The following N4BP3 variants were observed in gnomAD, a reference collection of about 807,000 sequenced individuals.
The protein encoded by N4BP3 is NEDD4-binding protein 3.
Under a neutral mutation model 43.8 loss-of-function variants are expected in N4BP3, and 33 were observed. That is an observed-to-expected ratio of 0.75 (90% CI 0.57 to 1.01). The LOEUF (loss-of-function observed/expected upper bound fraction) is 1.01, where lower values mean the gene tolerates loss of function less well. N4BP3 is among the 50% of genes least tolerant of loss of function. The probability of loss-of-function intolerance (pLI) is 0.00; values close to 1 mark genes in which losing one functional copy is unlikely to be tolerated. For synonymous variants in N4BP3, 326 were observed against 321.9 expected (o/e 1.01, Z -0.14); for missense variants, 756 against 744.2 (o/e 1.02, Z -0.18).
At chr5:178,119,516 G>A (rs1046865896) in intron 1 of N4BP3, 38 bp from the exon 2 acceptor site, 1 of 1,440,324 alleles carries the variant, frequency 6.9e-7, no homozygotes, top group Admixed American at 2.3e-5. Context: ...TGGGCAGCCA[G>A]TGCTCACCTG....
Position 178,120,159 on chromosome 5 carries a change from T to C in N4BP3, c.331-19T>C, listed in dbSNP as rs202167797. Reference sequence around the variant, plus strand: ...GCCCAGGTCTCACACCTGCCCTCTCTGCCCTCTCTTCCTGGCAGTGCCGCA... The same window carrying C: ...GCCCAGGTCTCACACCTGCCCTCTCCGCCCTCTCTTCCTGGCAGTGCCGCA... On this transcript the variant is annotated intron_variant, in intron 2 of 4. Coordinates refer to ENST00000274605, the MANE Select transcript of N4BP3 (RefSeq NM_015111.2). 8.4e-6 allele frequency: 13 copies of C among 1,545,408 alleles called. No individual in the cohort carries two copies. The East Asian group carries it at 2.3e-4, about 27-fold the overall frequency.
In N4BP3 at chr5:178,121,606, G is replaced by T. The variant is rs1215944947; in HGVS notation, c.1240G>T (p.Ala414Ser). 11 of 1,613,256 alleles carry T rather than the reference G, an allele frequency of 6.8e-6. No individual in the cohort carries two copies. The highest frequency in any genetic ancestry group is 9.3e-6 in the Non-Finnish European group (11 of 1,179,954). Residue 414 changes from alanine (A) to serine (S), a missense_variant, in exon 5 of 5, where the codon GCT becomes TCT. By Grantham distance (99) the Ala-to-Ser change is moderately conservative (BLOSUM62 1). Coordinates refer to ENST00000274605, the MANE Select transcript of N4BP3 (RefSeq NM_015111.2). ...QLRGSRAQAQAQDAELVRLRE... is the reference protein window; with the variant it reads ...QLRGSRAQAQSQDAELVRLRE... ...TCGGGGCAGCCGGGCACAAGCCCAGGCTCAGGACGCAGAGCTGGTCCGGCT... is the reference window on the plus strand; with the variant it reads ...TCGGGGCAGCCGGGCACAAGCCCAGTCTCAGGACGCAGAGCTGGTCCGGCT...
intron 1 of N4BP3, among the ~76,000 whole-genome samples, chr5:178,115,992 A>G (rs1757763410): frequency 6.6e-6 from 1 of 152,200 alleles, no homozygotes; most frequent in African/African-American, 2.4e-5. Flanking sequence ...TCCCAGCCCA[A>G]ATCTAGCCAG....
At chr5:178,119,453 G>T in intron 1 of N4BP3, 101 bp from the exon 2 acceptor site, 1 of 820,844 alleles carries the variant, frequency 1.2e-6, no homozygotes. Flanking sequence ...GCCTGGGCAA[G>T]GTTGTGGGGA....
intron 3 of N4BP3, 118 bp from the exon 4 acceptor site, chr5:178,120,980 T>C: frequency 7.3e-7 from 1 of 1,369,474 alleles, no homozygotes; most frequent in South Asian, 1.5e-5. Flanking sequence ...AGCGCATGTG[T>C]GGCTGGGTCC....
chr5:178,121,957 C>T lies in N4BP3; in HGVS notation c.1591C>T (p.Pro531Ser), dbSNP rs1455255593. The stretch of plus-strand genomic sequence containing the variant: ...GCAGGAACTGCGGGCACTGCGGGAG[C>T]CCCCCACACCCTGGAGTCCCCGGCT... ...LEQELRALRE[P>S]PTPWSPRLES... Residue 531 changes from proline (P) to serine (S), a missense_variant, in exon 5 of 5, where the codon CCC becomes TCC. Pro to Ser is a moderately conservative substitution (Grantham distance 74, BLOSUM62 -1). Coordinates refer to ENST00000274605, the MANE Select transcript of N4BP3 (RefSeq NM_015111.2). 46 of 1,609,052 alleles carry T rather than the reference C, an allele frequency of 2.9e-5. No individual in the cohort carries two copies. Among genetic ancestry groups the T allele is most frequent in the Non-Finnish European group, 3.3e-5 (39 of 1,178,260 alleles).
At chr5:178,116,521 C>T (rs1315231959) in intron 1 of N4BP3, among the ~76,000 whole-genome samples, 2 of 152,192 alleles carry the variant, frequency 1.3e-5, no homozygotes, top group Admixed American at 6.5e-5. Flanking sequence ...CACTGGGCTG[C>T]TCCTGCTTTG....
At position 178,122,396 on chromosome 5, in the gene N4BP3, T is replaced by G; in HGVS notation, c.*395T>G. On this transcript the variant is annotated 3_prime_UTR_variant, in exon 5 of 5. Coordinates refer to ENST00000274605, the MANE Select transcript of N4BP3 (RefSeq NM_015111.2). ...GGCCTCCCCCAGAATAAAACCATGT[T>G]TTCTACCAGAGGCTCAGAATACGCT... The G allele has an allele frequency of 5.4e-6, 1 of 186,326 alleles. No homozygotes were observed. Among genetic ancestry groups the G allele is most frequent in the Non-Finnish European group, 1.1e-5 (1 of 89,200 alleles). 11.5% of individuals were successfully genotyped at this position (186,326 alleles called of 1,614,324 possible).
chr5:178,124,122 G>GGCCAGGGGCCTGTCAA lies in N4BP3; in HGVS notation c.*2132_*2147dup. ...CAGATGCCTTGATCACAGCCTCCAT[G>GGCCAGGGGCCTGTCAA]GCCAGGGGCCTGTCAAGCCAGGGGC... is the stretch of plus-strand genomic sequence containing the variant. On this transcript the variant is annotated 3_prime_UTR_variant, in exon 5 of 5. Coordinates refer to ENST00000274605, the MANE Select transcript of N4BP3 (RefSeq NM_015111.2). 6.5e-6 allele frequency: 1 copy of GGCCAGGGGCCTGTCAA among 152,758 alleles called. No homozygotes were observed. Among genetic ancestry groups the GGCCAGGGGCCTGTCAA allele is most frequent in the Non-Finnish European group, 1.5e-5 (1 of 68,120 alleles). The allele number at this position is 152,758 out of a possible 1,614,324, so 9.5% of individuals were successfully genotyped here.
In N4BP3 at chr5:178,122,080, G is replaced by A. The variant is rs1320425454; in HGVS notation, c.*79G>A. 6.8e-7 allele frequency: 1 copy of A among 1,463,850 alleles called. No individual in the cohort carries two copies. Among genetic ancestry groups the A allele is most frequent in the Non-Finnish European group, 9.0e-7 (1 of 1,106,438 alleles). 90.7% of individuals were successfully genotyped at this position (1,463,850 alleles called of 1,614,324 possible). A position where few individuals can be genotyped will look rare whatever the true frequency, so the allele number is the denominator to read the frequency against. On this transcript the variant is annotated 3_prime_UTR_variant, in exon 5 of 5. Transcript: ENST00000274605. The stretch of plus-strand genomic sequence containing the variant: ...GCCGGCTCAGCCTTCCCTTGCACTG[G>A]TTGGGGTGGAACCTGCAGAGGCCAG...
chr5:178,120,145 A>C (rs761015212), intron 2 of N4BP3, 33 bp from the exon 3 acceptor site: 1 of 1,533,102 alleles, frequency 6.5e-7, no homozygotes, highest in Non-Finnish European at 8.8e-7. Context: ...CCCAGGTCTC[A>C]CACCTGCCCT....
rs1193190505 is a variant in N4BP3 at position 178,121,478 on chromosome 5, G to T, written c.1112G>T (p.Cys371Phe). 3 of 1,613,902 alleles carry T rather than the reference G, an allele frequency of 1.9e-6. No homozygotes were observed. The highest frequency in any genetic ancestry group is 2.5e-6 in the Non-Finnish European group (3 of 1,179,996). ...TGCGTCCTCCCCATCCCCCAGGTGTGCCAGAAGACAGCAGAGATTAGCCTC... is the reference window on the plus strand; with the variant it reads ...TGCGTCCTCCCCATCCCCCAGGTGTTCCAGAAGACAGCAGAGATTAGCCTC... Reference protein sequence around the residue: ...RPEEEARWEVCQKTAEISLLK... With the variant: ...RPEEEARWEVFQKTAEISLLK... The change falls in exon 5 of 5, where the codon TGC becomes TTC. Residue 371 changes from cysteine to phenylalanine, a missense_variant. By Grantham distance (205) the Cys-to-Phe change is radical (BLOSUM62 -2). Coordinates refer to ENST00000274605, the MANE Select transcript of N4BP3 (RefSeq NM_015111.2).
downstream of N4BP3, among the ~76,000 whole-genome samples, chr5:178,126,871 A>G (rs1019238495): frequency 6.6e-6 from 1 of 151,848 alleles, no homozygotes; most frequent in African/African-American, 2.4e-5. Context: ...CCTCCCCTCA[A>G]CCTCCTAGCG....
At chr5:178,115,187 CTG>C (rs1757744715) in intron 1 of N4BP3, among the ~76,000 whole-genome samples, 1 of 152,232 alleles carries the variant, frequency 6.6e-6, no homozygotes, top group Non-Finnish European at 1.5e-5. Context: ...TGAGAAAAAA[CTG>C]TAGACTGCGG....
Position 178,122,117 on chromosome 5 carries a change from G to A in N4BP3, c.*116G>A, listed in dbSNP as rs575934667. On this transcript the variant is annotated 3_prime_UTR_variant, in exon 5 of 5. Transcript: ENST00000274605. Reference sequence around the variant, plus strand: ...CCTGCAGAGGCCAGCCCGGGGCTGGGGAGGCGCAAGGAGAGGAGGGATCCA... The same window carrying A: ...CCTGCAGAGGCCAGCCCGGGGCTGGAGAGGCGCAAGGAGAGGAGGGATCCA... The A allele has an allele frequency of 5.4e-6, 7 of 1,293,900 alleles. No homozygotes were observed. In the African/African-American group the frequency reaches 6.0e-5, roughly 11 times the overall value. 80.2% of individuals were successfully genotyped at this position (1,293,900 alleles called of 1,614,324 possible).
chr5:178,116,557 T>C (rs1274890463), intron 1 of N4BP3, among the ~76,000 whole-genome samples: 4 of 152,212 alleles, frequency 2.6e-5, no homozygotes, highest in Admixed American at 2.6e-4. Flanking sequence ...GGTGACCTTG[T>C]GCACAGCTGT....
rs1757951328 is a variant in N4BP3, at chr5:178,122,260, G to A, written c.*259G>A. 2.3e-6 allele frequency: 1 copy of A among 442,644 alleles called. No individual in the cohort carries two copies. Among genetic ancestry groups the A allele is most frequent in the Admixed American group, 4.0e-5 (1 of 25,092 alleles). 27.4% of individuals were successfully genotyped at this position (442,644 alleles called of 1,614,324 possible). A position where few individuals can be genotyped will look rare whatever the true frequency, so the allele number is the denominator to read the frequency against. On this transcript the variant is annotated 3_prime_UTR_variant, in exon 5 of 5. Transcript: ENST00000274605. ...CTGGAGTGGATGTGGCCCAGAGAAG[G>A]AGGCTGGGGGATCACCAGCCCCAAG...
chr5:178,120,582 A>C lies in N4BP3; in HGVS notation c.735A>C (p.Pro245=). Residue 245 remains proline (P), a synonymous_variant, in exon 3 of 5, where the codon CCA becomes CCC. Transcript: ENST00000274605. ...TGCTGAGCTGCCTGCCCGAGCCACC[A>C]CCCCCCTACGAGTTCTCCTGCTCCT... The part of the protein sequence containing the change: ...PAVLSCLPEP[P]PPYEFSCSSA... The C allele has an allele frequency of 1.2e-6, 2 of 1,612,472 alleles. No individual in the cohort carries two copies. Among genetic ancestry groups the C allele is most frequent in the Middle Eastern group, 3.3e-4 (2 of 6,062 alleles).
chr5:178,115,161 A>T (rs561913295), intron 1 of N4BP3, among the ~76,000 whole-genome samples: 1 of 152,226 alleles, frequency 6.6e-6, no homozygotes, highest in Non-Finnish European at 1.5e-5. Context: ...GAAATGAGAT[A>T]ATGAAATAGA....
Sources: gnomAD v4.1 joint callset for allele counts (sites outside exome capture counted in the v4.1 genomes callset) on GRCh38, gnomAD v4.1.1 for gene constraint, MANE v1.5 for transcripts, NCBI Gene and HGNC (gene_info 2026-07-23, HGNC 2026-07-21) for gene names.